CSNK1A1: variants seen among roughly 807,000 people sequenced by gnomAD.
CSNK1A1 encodes the protein casein kinase 1 alpha 1.
In CSNK1A1, 7 loss-of-function variants were observed where a neutral mutation model predicts 46.1. The ratio of observed to expected loss-of-function variants is 0.15; its 90% CI spans 0.09 to 0.29. The LOEUF (loss-of-function observed/expected upper bound fraction) is 0.29. Among genes scored for constraint, CSNK1A1 ranks in the 10% least tolerant of loss-of-function variants. The pLI is 1.00. For missense variants in CSNK1A1, 96 were observed against 417.1 expected (o/e 0.23, Z 6.71); for synonymous variants, 137 against 141.5 (o/e 0.97, Z 0.23).
rs1760586844 is a variant in CSNK1A1, at chr5:149,493,862, A to T, written c.*2991T>A. 6.6e-6 allele frequency: 1 copy of T among 152,212 alleles called. No individual in the cohort carries two copies. The highest frequency in any genetic ancestry group is 2.1e-4 in the South Asian group (1 of 4,832). The allele number at this position is 152,212 out of a possible 1,614,324, so 9.4% of individuals were successfully genotyped here. ...ATTTACATGGTTATAACTGCTTAAA[A>T]ACTGGCAAAGAGAAAACCTAAAATA... is the stretch of plus-strand genomic sequence containing the variant. On this transcript the variant is annotated 3_prime_UTR_variant, in exon 10 of 10. Coordinates refer to ENST00000377843, the MANE Select transcript of CSNK1A1 (RefSeq NM_001892.6).
intron 4 of CSNK1A1, among the ~76,000 whole-genome samples, chr5:149,519,648 G>C (rs1445765176): frequency 6.6e-6 from 1 of 152,170 alleles, no homozygotes; most frequent in Admixed American, 6.5e-5. Flanking sequence ...TAGTTTTGTT[G>C]TATGAATGTT....
At chr5:149,513,761 A>G (rs567446314) in intron 4 of CSNK1A1, among the ~76,000 whole-genome samples, 1 of 152,216 alleles carries the variant, frequency 6.6e-6, no homozygotes, top group East Asian at 1.9e-4. Flanking sequence ...ATAGCCGGGC[A>G]TGGTGGCACA....
In CSNK1A1 at chr5:149,512,256, T is replaced by C. The variant is rs567376237; in HGVS notation, c.597-384A>G. Among the ~76,000 whole-genome samples, 4 of 152,162 alleles carry C rather than the reference T, an allele frequency of 2.6e-5. No homozygotes were observed. The South Asian group carries it at 8.3e-4, about 32-fold the overall frequency. On this transcript the variant is annotated intron_variant, in intron 5 of 9. Transcript: ENST00000377843. The stretch of plus-strand genomic sequence containing the variant: ...GTTACAACTTAAAACTAATTGAACA[T>C]CTATATGAATGTATTCATGCATACA...
chr5:149,531,100 A>AT (rs1462559157), intron 2 of CSNK1A1, among the ~76,000 whole-genome samples: 7 of 152,032 alleles, frequency 4.6e-5, no homozygotes, highest in African/African-American at 1.7e-4. Context: ...GCCATTCATT[A>AT]TACACAGATG....
chr5:149,495,954 T>A lies in CSNK1A1; in HGVS notation c.*899A>T, dbSNP rs1055354493. The A allele has an allele frequency of 3.9e-5, 6 of 152,580 alleles. No homozygotes were observed. The highest frequency in any genetic ancestry group is 9.6e-5 in the African/African-American group (4 of 41,456). The allele number at this position is 152,580 out of a possible 1,614,324, so 9.5% of individuals were successfully genotyped here. ...ATTTAATAGTGAGTCAGCAAGGCAT[T>A]TTTTGTTGTTTAAAAAAAATCTCAT... On this transcript the variant is annotated 3_prime_UTR_variant, in exon 10 of 10. Coordinates refer to ENST00000377843, the MANE Select transcript of CSNK1A1 (RefSeq NM_001892.6).
At position 149,525,191 on chromosome 5, in the gene CSNK1A1, A is replaced by G. The variant is rs1561763022; in HGVS notation, c.231-20T>C. 1.3e-6 allele frequency: 2 copies of G among 1,582,224 alleles called. No homozygotes were observed. The highest frequency in any genetic ancestry group is 1.7e-6 in the Non-Finnish European group (2 of 1,168,880). On this transcript the variant is annotated intron_variant, in intron 2 of 9. Transcript: ENST00000377843. This position sits in a 1 kb window ranked among gnomAD's most constrained non-coding sequence, Gnocchi z 4.2. ...TACCACCTAACGAAACAAAAGGAGAAGAGAGGATATTACAAAAAGCTATTA... is the reference window on the plus strand; with the variant it reads ...TACCACCTAACGAAACAAAAGGAGAGGAGAGGATATTACAAAAAGCTATTA...
intron 9 of CSNK1A1, chr5:149,498,972 T>C: frequency 6.1e-6 from 6 of 985,434 alleles, no homozygotes; most frequent in Non-Finnish European, 7.2e-6. Context: ...AAGGCTACCC[T>C]AACAATATTC....
chr5:149,547,652 C>G (rs1762522525), intron 2 of CSNK1A1, among the ~76,000 whole-genome samples: 1 of 151,484 alleles, frequency 6.6e-6, no homozygotes, highest in Non-Finnish European at 1.5e-5. Context: ...GGGTGAGGGG[C>G]CTTATTTTCC....
intron 9 of CSNK1A1, chr5:149,498,078 C>T (rs546329824): frequency 2.5e-5 from 24 of 963,290 alleles, no homozygotes; most frequent in African/African-American, 5.3e-5. Flanking sequence ...GTGATCCACC[C>T]GCCATGGCCT....
chr5:149,496,932 G>A, intron 9 of CSNK1A1, 72 bp from the exon 10 acceptor site: 14 of 1,521,786 alleles, frequency 9.2e-6, no homozygotes, highest in Non-Finnish European at 9.6e-6. Flanking sequence ...CCAAAATATG[G>A]AAATTGGGTG....
chr5:149,500,176 C>T lies in CSNK1A1; in HGVS notation c.1007-3316G>A, dbSNP rs1470251165. Among the ~76,000 whole-genome samples, 13 of 138,910 alleles carry T rather than the reference C, an allele frequency of 9.4e-5. No individual in the cohort carries two copies. The Admixed American group carries it at 1.0e-3, about 11-fold the overall frequency. The allele number at this position is 138,910 out of a possible 152,430, so 91.1% of individuals were successfully genotyped here. A position where few individuals can be genotyped will look rare whatever the true frequency, so the allele number is the denominator to read the frequency against. ...TTTTTGAGATGGAGTCTTGCTCTGT[C>T]GCCCAGGCTGGAGTGCAGTGGCGCG... is the stretch of plus-strand genomic sequence containing the variant. On this transcript the variant is annotated intron_variant, in intron 9 of 9. Transcript: ENST00000377843.
At chr5:149,522,544 T>C (rs928093382) in intron 3 of CSNK1A1, among the ~76,000 whole-genome samples, 2 of 152,252 alleles carry the variant, frequency 1.3e-5, no homozygotes, top group African/African-American at 2.4e-5. Flanking sequence ...TTCTATTTTT[T>C]ATTTGTCCCC....
chr5:149,502,632 C>T (rs62377966), intron 9 of CSNK1A1: 255,408 of 964,424 alleles, frequency 0.26, 35,458 homozygotes, highest in East Asian at 0.62. Flanking sequence ...CCTCAGCCTC[C>T]CAAATGTGTT....
At chr5:149,499,967 C>CTTTTTTTTTTTTT (rs1162496799) in intron 9 of CSNK1A1, among the ~76,000 whole-genome samples, 1 of 77,708 alleles carries the variant, frequency 1.3e-5, no homozygotes, top group African/African-American at 4.3e-5. Flanking sequence ...TTCTTTTTTT[C>CTTTTTTTTTTTTT]TTTTTTTTTT....
chr5:149,512,880 A>C (rs530991894), intron 5 of CSNK1A1, among the ~76,000 whole-genome samples, 190 bp downstream of exon 5: 8 of 152,326 alleles, frequency 5.3e-5, no homozygotes, highest in African/African-American at 1.9e-4. Context: ...ACAACAACAA[A>C]AAATCCAGAA....
chr5:149,511,421 ACAT>A (rs1761221083), intron 6 of CSNK1A1, among the ~76,000 whole-genome samples: 14 of 151,928 alleles, frequency 9.2e-5, no homozygotes, highest in Admixed American at 7.9e-4. Flanking sequence ...AAATGTTAGG[ACAT>A]GTATTGCTGG....
intron 9 of CSNK1A1, chr5:149,497,955 T>G (rs769776978): frequency 2.3e-5 from 15 of 649,388 alleles, no homozygotes; most frequent in Non-Finnish European, 2.9e-5. Context: ...TGCCTCAGCC[T>G]CCTGAGTAGC....
chr5:149,500,075 T>C (rs1019329927), intron 9 of CSNK1A1, among the ~76,000 whole-genome samples: 3 of 148,234 alleles, frequency 2.0e-5, no homozygotes, highest in Non-Finnish European at 4.5e-5. Flanking sequence ...TTCACGCCAT[T>C]CTCCTGCCTC....
intron 2 of CSNK1A1, among the ~76,000 whole-genome samples, chr5:149,538,387 A>C (rs902919439): frequency 1.4e-4 from 22 of 152,212 alleles, no homozygotes; most frequent in African/African-American, 5.1e-4. Context: ...ACTGAATGAA[A>C]GAAATGGTTG....
Sources: gnomAD v4.1 joint callset for allele counts (sites outside exome capture counted in the v4.1 genomes callset) on GRCh38, gnomAD v4.1.1 for gene constraint, Gnocchi (gnomAD v3.1) non-coding constraint, MANE v1.5 for transcripts, NCBI Gene and HGNC (gene_info 2026-07-23, HGNC 2026-07-21) for gene names.